SLC24A2: variants seen among roughly 807,000 people sequenced by gnomAD.
The protein encoded by SLC24A2 is sodium/potassium/calcium exchanger 2.
A neutral mutation model predicts 62.0 loss-of-function variants in SLC24A2; 36 were observed. The ratio of observed to expected loss-of-function variants is 0.58; its 90% confidence interval spans 0.44 to 0.77. SLC24A2 has a LOEUF of 0.77. Among genes scored for constraint, SLC24A2 ranks in the 30% least tolerant of loss-of-function variants. SLC24A2 has a pLI of 0.00. For missense variants in SLC24A2, 846 were observed against 817.9 expected, an observed-to-expected ratio of 1.03 and a Z score of -0.42; for synonymous variants, 358 against 294.0, an observed-to-expected ratio of 1.22 and a Z score of -2.23.
chr9:19,665,486 A>G lies in SLC24A2; in HGVS notation c.931-43187T>C, dbSNP rs907383607. Among the ~76,000 whole-genome samples the G allele has an allele frequency of 2.0e-5, 3 of 152,268 alleles. No homozygotes were observed. The East Asian group carries it at 5.8e-4, about 29-fold the overall frequency. On this transcript the variant is annotated intron_variant, in intron 2 of 10. Coordinates refer to ENST00000341998, the MANE Select transcript of SLC24A2 (RefSeq NM_020344.4). ...ATTGATCTAAACCTAATAGACTTCAATTGAAATGCATTGGTGGTAGAATTC... is the reference window on the plus strand; with the variant it reads ...ATTGATCTAAACCTAATAGACTTCAGTTGAAATGCATTGGTGGTAGAATTC...
At chr9:19,551,500 C>G (rs1299468164) in intron 7 of SLC24A2, among the ~76,000 whole-genome samples, 2 of 152,188 alleles carry the variant, frequency 1.3e-5, no homozygotes, top group African/African-American at 4.8e-5. Flanking sequence ...CAATCACTCC[C>G]TTCCCTGCTT....
Position 19,636,315 on chromosome 9 carries a change from T to TTTCC in SLC24A2, c.931-14017_931-14016insGGAA, listed in dbSNP as rs1554690361. On this transcript the variant is annotated intron_variant, in intron 2 of 10. Coordinates refer to ENST00000341998, the MANE Select transcript of SLC24A2 (RefSeq NM_020344.4). Reference sequence around the variant, plus strand: ...TTTTCTTTTCTTTTCTTTTCTTTTCTTTTCTTTCTTTCTTTCTTTCTTTCT... The same window carrying TTTCC: ...TTTTCTTTTCTTTTCTTTTCTTTTCTTTCCTTTCTTTCTTTCTTTCTTTCTTTCT... Among the ~76,000 whole-genome samples the TTTCC allele has an allele frequency of 3.2e-4, 13 of 40,318 alleles. 1 individual carries two copies. Among genetic ancestry groups the TTTCC allele is most frequent in the East Asian group, 1.5e-3 (2 of 1,316 alleles). 26.5% of individuals were successfully genotyped at this position (40,318 alleles called of 152,430 possible).
Position 19,511,541 on chromosome 9 carries a change from T to C in SLC24A2, c.*4612A>G, listed in dbSNP as rs1832716431. On this transcript the variant is annotated 3_prime_UTR_variant, in exon 11 of 11. Transcript: ENST00000341998. ...ATATCTCCTTTCTTCCCTTTCCTTA[T>C]TATTCTATTTTTTCTCCTACCCCTC... 1 of 152,234 alleles carries C rather than the reference T, an allele frequency of 6.6e-6. No individual in the cohort carries two copies. Among genetic ancestry groups the C allele is most frequent in the Non-Finnish European group, 1.5e-5 (1 of 68,042 alleles). The allele number at this position is 152,234 out of a possible 1,614,324, so 9.4% of individuals were successfully genotyped here.
At chr9:19,596,335 G>A (rs1309122855) in intron 5 of SLC24A2, among the ~76,000 whole-genome samples, 1 of 152,084 alleles carries the variant, frequency 6.6e-6, no homozygotes, top group East Asian at 1.9e-4. Context: ...TCCATTTCTT[G>A]TCAGTATCCA....
intron 4 of SLC24A2, among the ~76,000 whole-genome samples, chr9:19,613,561 A>C (rs1043978854): frequency 2.7e-4 from 41 of 152,122 alleles, no homozygotes; most frequent in African/African-American, 9.9e-4. Flanking sequence ...CCTTGTCCCA[A>C]ACCAGAGGAA....
chr9:19,529,286 C>T (rs981898379), intron 8 of SLC24A2, among the ~76,000 whole-genome samples: 7 of 152,238 alleles, frequency 4.6e-5, no homozygotes, highest in South Asian at 2.1e-4. Flanking sequence ...ACACAGAACA[C>T]GTTCTGTCAT....
the SLC24A2 span, among the ~76,000 whole-genome samples, chr9:19,998,818 G>A: frequency 6.6e-6 from 1 of 152,222 alleles, no homozygotes; most frequent in Non-Finnish European, 1.5e-5. Flanking sequence ...TTTGTTGGTG[G>A]CAAGATAAAA....
chr9:19,760,785 G>A (rs1822297517), intron 2 of SLC24A2, among the ~76,000 whole-genome samples: 1 of 151,596 alleles, frequency 6.6e-6, no homozygotes, highest in South Asian at 2.1e-4. Flanking sequence ...CATTTGGGTT[G>A]GTTCCAAATG....
At chr9:19,851,318 C>A in the SLC24A2 span, among the ~76,000 whole-genome samples, 2 of 151,690 alleles carry the variant, frequency 1.3e-5, no homozygotes, top group African/African-American at 4.8e-5. Flanking sequence ...AGCTACTGCG[C>A]CTGGCCCAGC....
chr9:20,204,856 G>T, the SLC24A2 span, among the ~76,000 whole-genome samples: 1 of 148,890 alleles, frequency 6.7e-6, no homozygotes, highest in Non-Finnish European at 1.5e-5. Context: ...CCATTCTCCT[G>T]CCTCAGCCTC....
the SLC24A2 span, among the ~76,000 whole-genome samples, chr9:20,102,583 G>T: frequency 6.6e-6 from 1 of 151,508 alleles, no homozygotes; most frequent in East Asian, 1.9e-4. Flanking sequence ...CATGGTACAT[G>T]TAAACCTTTG....
intron 2 of SLC24A2, among the ~76,000 whole-genome samples, chr9:19,631,520 A>G (rs1240625828): frequency 6.6e-6 from 1 of 152,112 alleles, no homozygotes; most frequent in Non-Finnish European, 1.5e-5. Context: ...TGGACTTGTA[A>G]GCTTCTTGAG....
At chr9:20,025,053 C>T in the SLC24A2 span, among the ~76,000 whole-genome samples, 1 of 152,106 alleles carries the variant, frequency 6.6e-6, no homozygotes, top group Non-Finnish European at 1.5e-5. Context: ...CAATGCAACC[C>T]AGGATATTCA....
the SLC24A2 span, among the ~76,000 whole-genome samples, chr9:19,908,737 A>G: frequency 6.6e-6 from 1 of 152,248 alleles, no homozygotes; most frequent in African/African-American, 2.4e-5. Flanking sequence ...AAAAATGCTT[A>G]TCATCACTGG....
chr9:19,749,515 TA>T (rs1821924384), intron 2 of SLC24A2, among the ~76,000 whole-genome samples: 1 of 152,180 alleles, frequency 6.6e-6, no homozygotes, highest in Admixed American at 6.6e-5. Context: ...CTTCCTGTGC[TA>T]AAGACAAAAG....
chr9:19,589,172 T>C (rs1836472065), intron 5 of SLC24A2, among the ~76,000 whole-genome samples: 3 of 152,238 alleles, frequency 2.0e-5, no homozygotes. Flanking sequence ...AGGATATTCA[T>C]GTAGCATTGT....
At chr9:20,235,813 C>G in the SLC24A2 span, among the ~76,000 whole-genome samples, 1 of 152,222 alleles carries the variant, frequency 6.6e-6, no homozygotes, top group African/African-American at 2.4e-5. Context: ...CACCCATCTT[C>G]TGTGTCGCTC....
At chr9:20,068,556 A>G in the SLC24A2 span, among the ~76,000 whole-genome samples, 1 of 152,154 alleles carries the variant, frequency 6.6e-6, no homozygotes, top group South Asian at 2.1e-4. Context: ...TGCCTCCTGA[A>G]CAACTGGTAA....
chr9:19,701,034 A>G (rs541721478), intron 2 of SLC24A2, among the ~76,000 whole-genome samples: 1 of 152,366 alleles, frequency 6.6e-6, no homozygotes, highest in African/African-American at 2.4e-5. Context: ...AGATTAAAGT[A>G]TCAGAGGATT....
Sources: gnomAD v4.1 joint callset for allele counts (sites outside exome capture counted in the v4.1 genomes callset) on GRCh38, gnomAD v4.1.1 for gene constraint, MANE v1.5 for transcripts, NCBI Gene and HGNC (gene_info 2026-07-23, HGNC 2026-07-21) for gene names.